The following GRIN2B variants were observed in gnomAD, a reference collection of about 807,000 sequenced individuals.
GRIN2B encodes glutamate ionotropic receptor NMDA type subunit 2B, also known as glutamate receptor ionotropic, NMDA 2B.
GRIN2B carries 5 observed loss-of-function variants against 114.5 expected under a neutral mutation model. The ratio of observed to expected loss-of-function variants is 0.04; its 90% CI spans 0.02 to 0.09. The LOEUF (loss-of-function observed/expected upper bound fraction) is 0.09, where lower values mean the gene tolerates loss of function less well. GRIN2B is among the 10% of genes least tolerant of loss of function. The probability of loss-of-function intolerance (pLI) is 1.00; values close to 1 mark genes in which losing one functional copy is unlikely to be tolerated. For synonymous variants in GRIN2B, 787 were observed against 745.1 expected, an observed-to-expected ratio of 1.06 and a Z score of -0.92; for missense variants, 1,108 against 1,943.5, an observed-to-expected ratio of 0.57 and a Z score of 8.08.
chr12:13,550,549 C>G lies in GRIN2B; in HGVS notation c.*12234G>C, dbSNP rs1475844408. The G allele has an allele frequency of 1.3e-5, 2 of 152,148 alleles. No homozygotes were observed. Among genetic ancestry groups the G allele is most frequent in the Non-Finnish European group, 2.9e-5 (2 of 68,020 alleles). 9.4% of individuals were successfully genotyped at this position (152,148 alleles called of 1,614,324 possible). A position where few individuals can be genotyped will look rare whatever the true frequency, so the allele number is the denominator to read the frequency against. Reference sequence around the variant, plus strand: ...CTGTCTGTTCTCAGTAGAATGACTTCTGCTTCTCCATCCTCTTAGAACCAA... The same window carrying G: ...CTGTCTGTTCTCAGTAGAATGACTTGTGCTTCTCCATCCTCTTAGAACCAA... On this transcript the variant is annotated 3_prime_UTR_variant, in exon 14 of 14. Transcript: ENST00000609686.
chr12:13,933,762 T>C (rs1209305945), intron 2 of GRIN2B, among the ~76,000 whole-genome samples: 1 of 152,212 alleles, frequency 6.6e-6, no homozygotes, highest in African/African-American at 2.4e-5. Flanking sequence ...CATGGCCAAG[T>C]TGCCAGACAC....
At chr12:13,778,762 G>A (rs564749530) in intron 3 of GRIN2B, among the ~76,000 whole-genome samples, 8 of 152,168 alleles carry the variant, frequency 5.3e-5, no homozygotes, top group South Asian at 2.1e-4. Context: ...CCTGAAACCC[G>A]TACTTTTAAG....
chr12:13,602,694 C>A (rs2136457779), intron 10 of GRIN2B, among the ~76,000 whole-genome samples: 1 of 152,300 alleles, frequency 6.6e-6, no homozygotes, highest in African/African-American at 2.4e-5. Flanking sequence ...TATGAAGTGA[C>A]TTCCAGACCC....
intron 3 of GRIN2B, among the ~76,000 whole-genome samples, chr12:13,776,955 A>G (rs1347528912): frequency 6.6e-6 from 1 of 152,150 alleles, no homozygotes; most frequent in Admixed American, 6.5e-5. Flanking sequence ...ACAATGAGCA[A>G]TAATGCAGGC....
intron 2 of GRIN2B, among the ~76,000 whole-genome samples, chr12:13,870,791 C>T (rs1487266386): frequency 6.6e-6 from 1 of 152,024 alleles, no homozygotes; most frequent in Non-Finnish European, 1.5e-5. Flanking sequence ...TCCAAGCTAC[C>T]AATAAAGACA....
intron 3 of GRIN2B, among the ~76,000 whole-genome samples, chr12:13,865,211 C>A (rs1175490238): frequency 6.6e-6 from 1 of 152,054 alleles, no homozygotes; most frequent in South Asian, 2.1e-4. Context: ...AAAAGGTATC[C>A]CAGAGCTACA....
intron 4 of GRIN2B, among the ~76,000 whole-genome samples, chr12:13,703,595 A>G (rs1317894022): frequency 6.6e-6 from 1 of 152,272 alleles, no homozygotes; most frequent in East Asian, 1.9e-4. Flanking sequence ...CTACACATAC[A>G]CACACAAATA....
Position 13,675,764 on chromosome 12 carries a change from T to G in GRIN2B, c.1106A>C (p.Lys369Thr). The G allele has an allele frequency of 6.2e-7, 1 of 1,604,652 alleles. No individual in the cohort carries two copies. Among genetic ancestry groups the G allele is most frequent in the East Asian group, 2.2e-5 (1 of 44,794 alleles). The change falls in exon 5 of 14, where the codon AAG (lysine) becomes ACG (threonine). Residue 369 changes from lysine to threonine, a missense_variant. This residue lies in a region of GRIN2B where 199 missense variants were observed against 439.6 expected (regional missense o/e 0.45). Transcript: ENST00000609686. ...TCTTACCCTTTCCCACTTCCTCTCC[T>G]TGTTCAGAAGAATTATCACCAGTTT... ...HPKLVIILLN[K>T]ERKWERVGKW...
At chr12:13,873,047 A>G (rs574396577) in intron 2 of GRIN2B, among the ~76,000 whole-genome samples, 35 of 152,356 alleles carry the variant, frequency 2.3e-4, no homozygotes, top group Admixed American at 1.2e-3. Context: ...ATTAAACACA[A>G]TGTCCTTATC....
chr12:13,785,375 A>G (rs1864206148), intron 3 of GRIN2B, among the ~76,000 whole-genome samples: 1 of 152,210 alleles, frequency 6.6e-6, no homozygotes, highest in Admixed American at 6.5e-5. Context: ...TACAGAATGA[A>G]GTGTGAACTA....
chr12:13,621,590 A>G (rs1328156514), intron 5 of GRIN2B, among the ~76,000 whole-genome samples: 1 of 36,164 alleles, frequency 2.8e-5, no homozygotes, highest in African/African-American at 1.3e-4. Flanking sequence ...TTTTCAAGAG[A>G]AAAAAAAAAT....
At chr12:13,749,503 C>T (rs1003179065) in intron 4 of GRIN2B, among the ~76,000 whole-genome samples, 1 of 152,232 alleles carries the variant, frequency 6.6e-6, no homozygotes, top group Admixed American at 6.5e-5. Flanking sequence ...TTCCTCCCTA[C>T]TGCAGTTGCT....
chr12:13,573,882 G>A (rs1041263764), intron 10 of GRIN2B, among the ~76,000 whole-genome samples: 1 of 152,190 alleles, frequency 6.6e-6, no homozygotes, highest in African/African-American at 2.4e-5. Context: ...ATGCCGTGGT[G>A]TTAGGCAATC....
chr12:13,781,168 A>T (rs1016595743), intron 3 of GRIN2B, among the ~76,000 whole-genome samples: 3 of 152,220 alleles, frequency 2.0e-5, no homozygotes, highest in Non-Finnish European at 4.4e-5. Context: ...TACTAATTTT[A>T]AAAATATGCA....
chr12:13,784,773 C>A (rs1864193246), intron 3 of GRIN2B, among the ~76,000 whole-genome samples: 1 of 152,190 alleles, frequency 6.6e-6, no homozygotes, highest in South Asian at 2.1e-4. Flanking sequence ...GCTGTCCCAA[C>A]TGAGGTTATC....
chr12:13,606,632 A>G (rs1213751641), intron 10 of GRIN2B, among the ~76,000 whole-genome samples: 2 of 152,162 alleles, frequency 1.3e-5, no homozygotes, highest in South Asian at 2.1e-4. Context: ...CTAAGCCACA[A>G]CCAAGTATTG....
At chr12:13,950,587 G>A (rs532001888) in intron 2 of GRIN2B, among the ~76,000 whole-genome samples, 1 of 152,196 alleles carries the variant, frequency 6.6e-6, no homozygotes, top group East Asian at 1.9e-4. Flanking sequence ...TTGACTCCTT[G>A]CCTATCTAAA....
At position 13,766,631 on chromosome 12, in the gene GRIN2B, C is replaced by A. The variant is rs544109614; in HGVS notation, c.412-12716G>T. Among the ~76,000 whole-genome samples the A allele has an allele frequency of 5.9e-5, 9 of 152,318 alleles. 1 individual carries two copies. The South Asian group carries it at 1.9e-3, about 32-fold the overall frequency. ...ATATCTTTTTCCATGATCTACCCAG[C>A]CTTTCATTTTCATCTCAGAAGATTA... On this transcript the variant is annotated intron_variant, in intron 3 of 13. Transcript: ENST00000609686.
chr12:13,635,605 A>C (rs758437903), intron 5 of GRIN2B, among the ~76,000 whole-genome samples: 6 of 152,290 alleles, frequency 3.9e-5, no homozygotes, highest in South Asian at 4.2e-4. Context: ...CAAAAGGTAG[A>C]GTACAAGCAC....
Sources: allele counts gnomAD v4.1 joint callset (sites outside exome capture counted in the v4.1 genomes callset), GRCh38; gene constraint gnomAD v4.1.1; regional missense constraint gnomAD v4.1.1; transcripts MANE v1.5; gene names NCBI Gene and HGNC (gene_info 2026-07-23, HGNC 2026-07-21).